Variants in MORN1 observed in about 807,000 individuals in gnomAD.
The protein encoded by MORN1 is MORN repeat containing 1.
Under a neutral mutation model 61.9 loss-of-function variants are expected in MORN1, and 67 were observed. The ratio of observed to expected loss-of-function variants is 1.08; its 90% CI spans 0.89 to 1.33. MORN1 has a LOEUF of 1.33. Among genes scored for constraint, MORN1 ranks in the 40% most tolerant of loss-of-function variants. The probability of loss-of-function intolerance (pLI) is 0.00; values close to 1 mark genes in which losing one functional copy is unlikely to be tolerated. For synonymous variants in MORN1, 301 were observed against 292.0 expected (o/e 1.03, Z -0.31); for missense variants, 752 against 691.2 (o/e 1.09, Z -0.99).
intron 10 of MORN1, among the ~76,000 whole-genome samples, chr1:2,345,803 GCA>G (rs932807366): frequency 1.3e-5 from 2 of 150,210 alleles, no homozygotes; most frequent in Non-Finnish European, 3.0e-5. Flanking sequence ...GAAAGCAAGA[GCA>G]CACACACAGC....
At position 2,388,775 on chromosome 1, in the gene MORN1, CAAAAAA is replaced by C. The variant is rs57362688; in HGVS notation, c.149-444_149-439del. Among the ~76,000 whole-genome samples the C allele has an allele frequency of 5.1e-4, 33 of 64,556 alleles. No individual in the cohort carries two copies. In the East Asian group the frequency reaches 9.4e-3, roughly 18 times the overall value. The allele number at this position is 64,556 out of a possible 152,430, so 42.4% of individuals were successfully genotyped here. ...CCTGGGCGACAGAGCAAGACTGTCT[CAAAAAA>C]AAAAAAAAAAAAAAAAAAAGAGAGA... On this transcript the variant is annotated intron_variant, in intron 2 of 13. Coordinates refer to ENST00000378531, the MANE Select transcript of MORN1 (RefSeq NM_024848.3).
At chr1:2,325,134 C>CCCTT (rs1640984026) in intron 12 of MORN1, among the ~76,000 whole-genome samples, 2 of 26,762 alleles carry the variant, frequency 7.5e-5, no homozygotes, top group Non-Finnish European at 1.3e-4. Flanking sequence ...TTCCTTCCTT[C>CCCTT]CCTCCCTCCC....
chr1:2,382,539 T>C (rs1280117004), intron 6 of MORN1, among the ~76,000 whole-genome samples: 1 of 151,560 alleles, frequency 6.6e-6, no homozygotes, highest in Non-Finnish European at 1.5e-5. Flanking sequence ...ATGGTGGCAG[T>C]GGGGTGGGGG....
Position 2,322,617 on chromosome 1 carries a change from G to A in MORN1, c.1298-1038C>T, listed in dbSNP as rs772747659. On this transcript the variant is annotated intron_variant, in intron 13 of 13. Coordinates refer to ENST00000378531, the MANE Select transcript of MORN1 (RefSeq NM_024848.3). ...GGGGACACACGTTCTGCAACCTGGC[G>A]GGTGTGGGCCACAGCACCGGGCACC... 2.0e-5 allele frequency: 20 copies of A among 985,324 alleles called. 1 individual carries two copies. Among genetic ancestry groups the A allele is most frequent in the African/African-American group, 5.2e-5 (3 of 57,256 alleles). The allele number at this position is 985,324 out of a possible 1,614,324, so 61.0% of individuals were successfully genotyped here. A position where few individuals can be genotyped will look rare whatever the true frequency, so the allele number is the denominator to read the frequency against.
intron 10 of MORN1, among the ~76,000 whole-genome samples, chr1:2,348,506 C>T (rs1244898592): frequency 1.3e-5 from 2 of 152,222 alleles, no homozygotes; most frequent in Non-Finnish European, 2.9e-5. Context: ...TCTTTTCAGA[C>T]GCGCACCTGG....
intron 1 of MORN1, among the ~76,000 whole-genome samples, chr1:2,390,244 G>A (rs1275416393): frequency 2.0e-5 from 3 of 152,224 alleles, no homozygotes; most frequent in African/African-American, 7.2e-5. Context: ...GGCCCAGTAA[G>A]AGGAGGGCTG....
chr1:2,370,086 G>A (rs966793742), intron 8 of MORN1, among the ~76,000 whole-genome samples: 2 of 152,170 alleles, frequency 1.3e-5, no homozygotes, highest in Admixed American at 6.5e-5. Context: ...ATTGGAAAAC[G>A]TGCTAAAAGC....
intron 13 of MORN1, chr1:2,322,510 C>T (rs1640905171): frequency 3.0e-6 from 3 of 985,352 alleles, no homozygotes; most frequent in Non-Finnish European, 3.6e-6. Flanking sequence ...AAGAGCAAGC[C>T]TCGGGGGCCG....
chr1:2,363,864 T>C (rs947958242), intron 8 of MORN1, among the ~76,000 whole-genome samples: 3 of 147,696 alleles, frequency 2.0e-5, no homozygotes, highest in Admixed American at 2.0e-4. Context: ...TCATAAAAAA[T>C]GCCCAATTCA....
At chr1:2,385,713 T>A in intron 5 of MORN1, 94 bp downstream of exon 5, 1 of 1,162,318 alleles carries the variant, frequency 8.6e-7, no homozygotes, top group Non-Finnish European at 1.3e-6. Flanking sequence ...GGGTGTCCCA[T>A]GGCAGTCCTG....
intron 3 of MORN1, 62 bp from the exon 4 acceptor site, chr1:2,387,591 G>T: frequency 1.7e-6 from 2 of 1,203,046 alleles, no homozygotes; most frequent in Non-Finnish European, 2.4e-6. Context: ...GCCCCAGTCG[G>T]CTCTCCTCTG....
At chr1:2,348,000 C>A (rs1641552522) in intron 10 of MORN1, among the ~76,000 whole-genome samples, 1 of 152,230 alleles carries the variant, frequency 6.6e-6, no homozygotes, top group Admixed American at 6.5e-5. Context: ...CGTCCCGGGG[C>A]AGGGCACGCC....
chr1:2,358,797 C>A, intron 8 of MORN1, 82 bp from the exon 9 acceptor site: 1 of 1,515,390 alleles, frequency 6.6e-7, no homozygotes, highest in Non-Finnish European at 8.9e-7. Flanking sequence ...GCTTCTGGGA[C>A]GCTGTGTTTA....
At chr1:2,376,777 CAGTCCA>C (rs1642247416) in intron 6 of MORN1, 1 of 152,224 alleles carries the variant, frequency 6.6e-6, no homozygotes, top group Non-Finnish European at 1.5e-5. Context: ...AGCACTTGGT[CAGTCCA>C]AGCACATTTG....
chr1:2,385,272 C>T (rs1301263094), intron 5 of MORN1: 3 of 593,902 alleles, frequency 5.1e-6, no homozygotes, highest in Non-Finnish European at 9.0e-6. Flanking sequence ...CCACCCCCAC[C>T]CTAGATGGTA....
intron 7 of MORN1, among the ~76,000 whole-genome samples, chr1:2,374,061 C>T (rs1642181236): frequency 6.6e-6 from 1 of 152,186 alleles, no homozygotes; most frequent in South Asian, 2.1e-4. Flanking sequence ...CAGAGGCCAC[C>T]AGGAACACCA....
chr1:2,378,942 G>A (rs1303751367), intron 6 of MORN1: 1 of 460,686 alleles, frequency 2.2e-6, no homozygotes, highest in Admixed American at 2.3e-5. Flanking sequence ...AGCCTTCTCT[G>A]CTTTGGGATC....
At position 2,374,561 on chromosome 1, in the gene MORN1, C is replaced by A. The variant is rs371638384; in HGVS notation, c.538-4G>T. 86 of 1,582,472 alleles carry A rather than the reference C, an allele frequency of 5.4e-5. No homozygotes were observed. Among genetic ancestry groups the A allele is most frequent in the Non-Finnish European group, 7.0e-5 (81 of 1,164,432 alleles). ...AGACGTCGCTGTGCCACTGTCCCTGCAGAGAGAAGGGTGAGGCTCAGGCTG... is the reference window on the plus strand; with the variant it reads ...AGACGTCGCTGTGCCACTGTCCCTGAAGAGAGAAGGGTGAGGCTCAGGCTG... On this transcript the variant is annotated splice_polypyrimidine_tract_variant and splice_region_variant and intron_variant, in intron 6 of 13. Coordinates refer to ENST00000378531, the MANE Select transcript of MORN1 (RefSeq NM_024848.3).
chr1:2,378,584 G>A (rs1395751412), intron 6 of MORN1: 4 of 245,416 alleles, frequency 1.6e-5, no homozygotes, highest in African/African-American at 4.5e-5. Flanking sequence ...CGGCAACTCC[G>A]GGAAAGCTGG....
Sources: gnomAD v4.1 joint callset for allele counts (sites outside exome capture counted in the v4.1 genomes callset) on GRCh38, gnomAD v4.1.1 for gene constraint, MANE v1.5 for transcripts, NCBI Gene and HGNC (gene_info 2026-07-23, HGNC 2026-07-21) for gene names.